TEX11: variants seen among roughly 807,000 people sequenced by gnomAD.
TEX11 encodes the protein testis expressed 11.
Under a neutral mutation model 84.4 loss-of-function variants are expected in TEX11, and 7 were observed. The ratio of observed to expected loss-of-function variants is 0.08; its 90% CI spans 0.05 to 0.16. TEX11 has a LOEUF of 0.16. Ranked by LOEUF, TEX11 falls within the 10% of genes least tolerant of loss-of-function variation. The pLI is 1.00. For synonymous variants in TEX11, 264 were observed against 222.8 expected (o/e 1.18, Z -1.64); for missense variants, 551 against 660.5 (o/e 0.83, Z 1.82).
Position 70,746,308 on chromosome X carries a change from C to T in TEX11, c.693-2089G>A, listed in dbSNP as rs143338280. Reference sequence around the variant, plus strand: ...GTCATGGAAGTGTTCTGGGCAAGTACGATGGAGAGGACTGGCTTTTCTTTG... The same window carrying T: ...GTCATGGAAGTGTTCTGGGCAAGTATGATGGAGAGGACTGGCTTTTCTTTG... On this transcript the variant is annotated intron_variant, in intron 9 of 29. Coordinates refer to ENST00000374333, the MANE Select transcript of TEX11 (RefSeq NM_031276.3). Among the ~76,000 whole-genome samples the T allele has an allele frequency of 2.4e-4, 27 of 111,149 alleles. No individual in the cohort carries two copies. The East Asian group carries it at 6.0e-3, about 25-fold the overall frequency.
At chrX:70,745,734 G>A (rs902421460) in intron 9 of TEX11, among the ~76,000 whole-genome samples, 17 of 111,681 alleles carry the variant, frequency 1.5e-4, no homozygotes, top group African/African-American at 2.3e-4. Flanking sequence ...ACTGTGTCTC[G>A]AAATAAATAA....
intron 9 of TEX11, among the ~76,000 whole-genome samples, chrX:70,799,693 T>G (rs1239933146): frequency 3.6e-5 from 4 of 112,232 alleles, no homozygotes; most frequent in African/African-American, 1.3e-4. Context: ...CATCTCTTGT[T>G]ACAATTCTTT....
chrX:70,862,207 A>T (rs962214094), intron 4 of TEX11, among the ~76,000 whole-genome samples: 2 of 112,204 alleles, frequency 1.8e-5, no homozygotes, highest in African/African-American at 6.5e-5. Context: ...AGTATAATTT[A>T]GAAGATACAG....
intron 25 of TEX11, among the ~76,000 whole-genome samples, chrX:70,570,183 A>C (rs1427310722): frequency 9.0e-6 from 1 of 111,029 alleles, no homozygotes; most frequent in East Asian, 2.8e-4. Context: ...AATCAGTGAG[A>C]CTCTGTGGGC....
intron 13 of TEX11, among the ~76,000 whole-genome samples, chrX:70,690,628 T>A (rs2090226522): frequency 9.0e-6 from 1 of 110,830 alleles, no homozygotes; most frequent in Non-Finnish European, 1.9e-5. Context: ...ATCACTTGAG[T>A]CCAGGAGTCT....
chrX:70,523,499 T>C, the TEX11 span, among the ~76,000 whole-genome samples: 1 of 111,495 alleles, frequency 9.0e-6, no homozygotes, highest in East Asian at 2.8e-4. Flanking sequence ...AGTCTTGCTC[T>C]GTTGCCCAGG....
intron 15 of TEX11, among the ~76,000 whole-genome samples, chrX:70,673,724 G>A (rs1336679735): frequency 9.0e-6 from 1 of 110,759 alleles, no homozygotes; most frequent in Non-Finnish European, 1.9e-5. Flanking sequence ...AATCAGTTGA[G>A]CATATTTGTG....
intron 9 of TEX11, among the ~76,000 whole-genome samples, chrX:70,788,669 T>C (rs769711716): frequency 1.1e-5 from 1 of 88,496 alleles, no homozygotes; most frequent in Non-Finnish European, 2.2e-5. Flanking sequence ...GATCAGAAAA[T>C]GTAAATCTCT....
At chrX:70,749,512 G>C (rs1468639380) in intron 9 of TEX11, among the ~76,000 whole-genome samples, 4 of 107,722 alleles carry the variant, frequency 3.7e-5, no homozygotes, top group African/African-American at 1.4e-4. Context: ...TTTTCAAAGG[G>C]AATGCTTCCA....
At chrX:70,560,574 C>T (rs1227466473) in intron 25 of TEX11, among the ~76,000 whole-genome samples, 1 of 111,731 alleles carries the variant, frequency 9.0e-6, no homozygotes. Context: ...CTATCTGTGG[C>T]TTGTCTTTTT....
chrX:70,609,141 G>C lies in TEX11; in HGVS notation c.1829C>G (p.Ala610Gly), dbSNP rs1419073971. Residue 610 changes from alanine (A) to glycine (G), a missense_variant, in exon 22 of 30, where the codon GCC becomes GGC. Coordinates refer to ENST00000374333, the MANE Select transcript of TEX11 (RefSeq NM_031276.3). Reference protein sequence around the residue: ...VKLSQPFGEEALSLESRANEA... With the variant: ...VKLSQPFGEEGLSLESRANEA... ...ATTAGCTCTTGACTCCAAACTTAAG[G>C]CTTCTTCACCAAAAGGCTGAGAAAG... The C allele has an allele frequency of 1.7e-6, 2 of 1,205,591 alleles. No individual in the cohort carries two copies. Among genetic ancestry groups the C allele is most frequent in the Admixed American group, 4.4e-5 (2 of 45,413 alleles).
intron 9 of TEX11, among the ~76,000 whole-genome samples, chrX:70,744,940 C>T (rs927713248): frequency 8.4e-5 from 9 of 106,792 alleles, no homozygotes; most frequent in Non-Finnish European, 1.2e-4. Flanking sequence ...AGGTTGGTCT[C>T]GAACTCCGGA....
intron 8 of TEX11, among the ~76,000 whole-genome samples, chrX:70,823,735 A>G (rs1056256283): frequency 9.0e-6 from 1 of 111,058 alleles, no homozygotes; most frequent in Admixed American, 9.6e-5. Context: ...GACCGGGTGC[A>G]GTGGCTCACT....
intron 25 of TEX11, among the ~76,000 whole-genome samples, chrX:70,578,917 C>T (rs956796142): frequency 3.7e-5 from 4 of 106,743 alleles, no homozygotes; most frequent in African/African-American, 1.4e-4. Flanking sequence ...ATTACAGGCG[C>T]CCACCACCAC....
chrX:70,780,173 C>G (rs990392673), intron 9 of TEX11, among the ~76,000 whole-genome samples: 1 of 111,276 alleles, frequency 9.0e-6, no homozygotes, highest in African/African-American at 3.3e-5. Context: ...ACTTGGGAGG[C>G]TGAGACAGGA....
chrX:70,811,185 CCCA>C (rs1409722478), intron 8 of TEX11, among the ~76,000 whole-genome samples: 36 of 108,827 alleles, frequency 3.3e-4, no homozygotes, highest in Admixed American at 3.3e-3. Flanking sequence ...CTGCCCCCAC[CCCA>C]CAACAGGCCC....
chrX:70,624,105 G>T, intron 19 of TEX11, 99 bp from the exon 20 acceptor site: 1 of 551,963 alleles, frequency 1.8e-6, no homozygotes. Context: ...CTCTGGGAGG[G>T]AGAAGTGAGA....
At chrX:70,531,434 T>C (rs2087887508) in intron 28 of TEX11, among the ~76,000 whole-genome samples, 1 of 111,984 alleles carries the variant, frequency 8.9e-6, no homozygotes, top group African/African-American at 3.2e-5. Context: ...CCCTTGAAGG[T>C]AAAATGACAT....
At chrX:70,644,784 AG>A (rs1302203081) in intron 17 of TEX11, among the ~76,000 whole-genome samples, 1 of 43,563 alleles carries the variant, frequency 2.3e-5, no homozygotes. Flanking sequence ...GGGTGGGGGG[AG>A]GGGGGAGGGA....
Sources: gnomAD v4.1 joint callset for allele counts (sites outside exome capture counted in the v4.1 genomes callset) on GRCh38, gnomAD v4.1.1 for gene constraint, MANE v1.5 for transcripts, NCBI Gene and HGNC (gene_info 2026-07-23, HGNC 2026-07-21) for gene names.